CDH23: variants seen among roughly 807,000 people sequenced by gnomAD.
The protein encoded by CDH23 is cadherin related 23.
A neutral mutation model predicts 317.1 loss-of-function variants in CDH23; 189 were observed. That is an observed-to-expected ratio of 0.60 (90% CI 0.53 to 0.67). CDH23 has a LOEUF of 0.67. Among genes scored for constraint, CDH23 ranks in the 30% least tolerant of loss-of-function variants. CDH23 has a pLI of 0.00. For synonymous variants in CDH23, 1,839 were observed against 1,876.8 expected (o/e 0.98, Z 0.52); for missense variants, 4,401 against 4,592.4 (o/e 0.96, Z 1.20).
At position 71,813,282 on chromosome 10, in the gene CDH23, G is replaced by C. The variant is rs1842004170; in HGVS notation, c.9672G>C (p.Arg3224=). 1 of 1,551,646 alleles carries C rather than the reference G, an allele frequency of 6.4e-7. No individual in the cohort carries two copies. The highest frequency in any genetic ancestry group is 8.7e-7 in the Non-Finnish European group (1 of 1,146,990). The change falls in exon 69 of 70, where the codon CGG becomes CGC. Residue 3224 remains arginine, a synonymous_variant. Transcript: ENST00000224721. ...AGGTGGTCCTGGAGGATTACCTGCG[G>C]CTCAAAAAGCTCTTTGCACAGCGGA... ...LLKVVLEDYL[R]LKKLFAQRMV...
rs367869964 is a variant in CDH23 at position 71,709,874 on chromosome 10, G to A, written c.3220+663G>A. ...AGTTCCACGTGGCTGGGGAGGCCAC[G>A]TGGAACTCACAATCATGGCAGAAGG... is the stretch of plus-strand genomic sequence containing the variant. On this transcript the variant is annotated intron_variant, in intron 27 of 69. Coordinates refer to ENST00000224721, the MANE Select transcript of CDH23 (RefSeq NM_022124.6). Among the ~76,000 whole-genome samples the A allele has an allele frequency of 4.5e-4, 68 of 152,204 alleles. 1 individual carries two copies. The highest frequency in any genetic ancestry group is 1.4e-3 in the African/African-American group (60 of 41,520).
intron 40 of CDH23, 123 bp downstream of exon 40, chr10:71,778,431 C>A: frequency 3.1e-6 from 4 of 1,289,388 alleles, no homozygotes; most frequent in Admixed American, 4.3e-5. Context: ...AAATCCAAGA[C>A]CCCTGTCCTA....
intron 6 of CDH23, among the ~76,000 whole-genome samples, chr10:71,540,729 G>A (rs1461466709): frequency 1.3e-5 from 2 of 152,126 alleles, no homozygotes; most frequent in Non-Finnish European, 2.9e-5. Context: ...CCAGCTCTGT[G>A]CAAATCCCAA....
intron 1 of CDH23, among the ~76,000 whole-genome samples, chr10:71,414,035 A>C (rs907787378): frequency 1.4e-5 from 2 of 139,930 alleles, no homozygotes; most frequent in Non-Finnish European, 3.0e-5. Context: ...TGAATTTATT[A>C]GCTCCTGGGT....
chr10:71,585,317 C>T (rs1331745727), intron 9 of CDH23, among the ~76,000 whole-genome samples: 1 of 152,116 alleles, frequency 6.6e-6, no homozygotes, highest in African/African-American at 2.4e-5. Context: ...CTGTGAATGC[C>T]ACCCTAGACC....
intron 1 of CDH23, among the ~76,000 whole-genome samples, chr10:71,427,195 G>GAAAGAAAGAAAGAA (rs1554823329): frequency 3.0e-5 from 3 of 98,946 alleles, no homozygotes; most frequent in Non-Finnish European, 2.0e-5. Flanking sequence ...AGGAAGGAAA[G>GAAAGAAAGAAAGAA]AGAAAGAAAG....
intron 6 of CDH23, among the ~76,000 whole-genome samples, chr10:71,546,868 G>C (rs1348192382): frequency 2.6e-5 from 4 of 152,210 alleles, no homozygotes; most frequent in Admixed American, 1.3e-4. Flanking sequence ...CTTCCCAGCA[G>C]GGGCTAGGAC....
chr10:71,610,129 G>C (rs1196565793), intron 9 of CDH23, among the ~76,000 whole-genome samples: 3 of 152,074 alleles, frequency 2.0e-5, no homozygotes, highest in African/African-American at 7.2e-5. Flanking sequence ...TCAGCCTCCC[G>C]AGTAGCTGGA....
At chr10:71,521,359 T>G (rs551786282) in intron 6 of CDH23, among the ~76,000 whole-genome samples, 1 of 152,168 alleles carries the variant, frequency 6.6e-6, no homozygotes, top group Non-Finnish European at 1.5e-5. Context: ...CTTTTCCCAC[T>G]GACCCCTTCC....
At chr10:71,462,525 G>A (rs979864795) in intron 3 of CDH23, among the ~76,000 whole-genome samples, 15 of 152,228 alleles carry the variant, frequency 9.9e-5, no homozygotes, top group African/African-American at 3.4e-4. Context: ...ACAGTGTGAC[G>A]TGAGAGGCCA....
intron 3 of CDH23, among the ~76,000 whole-genome samples, chr10:71,491,293 C>G (rs1852644667): frequency 1.3e-5 from 2 of 152,164 alleles, no homozygotes; most frequent in African/African-American, 4.8e-5. Flanking sequence ...ACTTCTCCCC[C>G]AGTGCTGCTG....
chr10:71,636,288 G>C (rs1386074084), intron 11 of CDH23, among the ~76,000 whole-genome samples: 1 of 152,166 alleles, frequency 6.6e-6, no homozygotes, highest in Non-Finnish European at 1.5e-5. Context: ...GGGAAGCCGA[G>C]GCGGGAGGAT....
chr10:71,725,559 G>C (rs371932117), intron 30 of CDH23, 39 bp downstream of exon 30: 6 of 1,595,996 alleles, frequency 3.8e-6, no homozygotes, highest in Non-Finnish European at 5.1e-6. Context: ...ACCTCAGGAC[G>C]GGGCCAAGCC....
intron 6 of CDH23, among the ~76,000 whole-genome samples, chr10:71,551,683 C>T (rs1256059099): frequency 1.3e-5 from 2 of 152,172 alleles, no homozygotes; most frequent in Non-Finnish European, 2.9e-5. Context: ...GTGGTCTTCT[C>T]ATGGTCTTTG....
At position 71,812,869 on chromosome 10, in the gene CDH23, C is replaced by A; in HGVS notation, c.9612C>A (p.Ile3204=). 6.2e-7 allele frequency: 1 copy of A among 1,613,702 alleles called. No individual in the cohort carries two copies. Among genetic ancestry groups the A allele is most frequent in the East Asian group, 2.2e-5 (1 of 44,868 alleles). Residue 3204 remains isoleucine, a synonymous_variant, in exon 68 of 70, where the codon ATC becomes ATA. Transcript: ENST00000224721. ...EYDNIAKLGQ[I]IREGPIKGSL... ...ACAACATTGCCAAGCTGGGCCAGAT[C>A]ATTCGTGAGGGGCCAATCAAGGTGA...
At chr10:71,519,453 C>A (rs1336686746) in intron 6 of CDH23, among the ~76,000 whole-genome samples, 1 of 152,228 alleles carries the variant, frequency 6.6e-6, no homozygotes, top group Non-Finnish European at 1.5e-5. Context: ...CAGTGGGGCA[C>A]CCCAAGTGGG....
rs370572756 is a variant in CDH23, at chr10:71,805,881, T to C, written c.7948T>C (p.Tyr2650His). ...KDEGLNGAVR[Y>H]SFLKTAGNRD... ...TGAGGGCCTCAACGGGGCGGTGCGC[T>C]ACAGCTTCCTGAAGACTGCGGGCAA... Residue 2650 changes from tyrosine to histidine, a missense_variant, in exon 56 of 70, where the codon TAC becomes CAC. Around this residue, in one of 3 missense-constraint regions of CDH23, gnomAD observed 1,144 missense variants for 1,138.2 expected, o/e 1.01. Transcript: ENST00000224721. 4 of 1,613,734 alleles carry C rather than the reference T, an allele frequency of 2.5e-6. No individual in the cohort carries two copies. The highest frequency in any genetic ancestry group is 3.4e-6 in the Non-Finnish European group (4 of 1,179,860).
At chr10:71,677,183 C>T (rs1407739650) in intron 15 of CDH23, among the ~76,000 whole-genome samples, 1 of 152,186 alleles carries the variant, frequency 6.6e-6, no homozygotes, top group East Asian at 1.9e-4. Flanking sequence ...AACTCCTGTT[C>T]ATAGCAGGAG....
intron 43 of CDH23, 67 bp downstream of exon 43, chr10:71,785,167 A>C: frequency 7.3e-7 from 1 of 1,372,636 alleles, no homozygotes; most frequent in Non-Finnish European, 1.0e-6. Context: ...CCTGCCCTAG[A>C]GGCTTTTCTG....
Sources: gnomAD v4.1 joint callset for allele counts (sites outside exome capture counted in the v4.1 genomes callset) on GRCh38, gnomAD v4.1.1 for gene constraint, gnomAD v4.1.1 regional missense constraint, MANE v1.5 for transcripts, NCBI Gene and HGNC (gene_info 2026-07-23, HGNC 2026-07-21) for gene names.